FANCL: variants seen among roughly 807,000 people sequenced by gnomAD.
FANCL encodes the protein E3 ubiquitin-protein ligase FANCL.
Under a neutral mutation model 59.4 loss-of-function variants are expected in FANCL, and 69 were observed. The ratio of observed to expected loss-of-function variants is 1.16; its 90% CI spans 0.96 to 1.42. The LOEUF (loss-of-function observed/expected upper bound fraction) is 1.42. Among genes scored for constraint, FANCL ranks in the 40% most tolerant of loss-of-function variants. The pLI, the probability that FANCL is intolerant of heterozygous loss-of-function variation, is 0.00. For synonymous variants in FANCL, 180 were observed against 147.1 expected (o/e 1.22, Z -1.62); for missense variants, 519 against 447.2 (o/e 1.16, Z -1.45).
At chr2:58,198,404 ATAACT>A (rs557230277) in intron 7 of FANCL, among the ~76,000 whole-genome samples, 185 bp downstream of exon 7, 36 of 152,264 alleles carry the variant, frequency 2.4e-4, no homozygotes, top group African/African-American at 7.0e-4. Flanking sequence ...TAATCTAGAG[ATAACT>A]TAAAGTATAC....
At chr2:58,192,576 ATCT>A (rs1052783836) in intron 7 of FANCL, among the ~76,000 whole-genome samples, 7 of 152,028 alleles carry the variant, frequency 4.6e-5, no homozygotes, top group African/African-American at 7.2e-5. Context: ...GGATACAAAT[ATCT>A]TCATAATAAT....
intron 7 of FANCL, among the ~76,000 whole-genome samples, chr2:58,178,478 A>T (rs538817216): frequency 6.6e-6 from 1 of 152,182 alleles, no homozygotes; most frequent in African/African-American, 2.4e-5. Context: ...CAAAAACAAA[A>T]ACCACATGAT....
intron 7 of FANCL, among the ~76,000 whole-genome samples, chr2:58,172,347 C>T (rs1686734885): frequency 6.6e-6 from 1 of 152,208 alleles, no homozygotes; most frequent in African/African-American, 2.4e-5. Context: ...CTGGGAGGCA[C>T]CGCCCAGTAG....
At chr2:58,212,622 T>C (rs1446568996) in intron 5 of FANCL, among the ~76,000 whole-genome samples, 2 of 152,210 alleles carry the variant, frequency 1.3e-5, no homozygotes, top group African/African-American at 4.8e-5. Context: ...CAGAAAATCT[T>C]GTTAAACACA....
intron 7 of FANCL, among the ~76,000 whole-genome samples, chr2:58,196,560 T>C (rs1427479512): frequency 6.6e-6 from 1 of 151,908 alleles, no homozygotes; most frequent in Non-Finnish European, 1.5e-5. Flanking sequence ...TAATATAATA[T>C]TTATTCCATG....
rs779587713 is a variant in FANCL at position 58,162,864 on chromosome 2, AC to A, written c.903+1del. 6 of 1,609,522 alleles carry A rather than the reference AC, an allele frequency of 3.7e-6. No individual in the cohort carries two copies. The highest frequency in any genetic ancestry group is 1.7e-5 in the Admixed American group (1 of 59,874). ...GAATATCAAAACACTGATAAAACTT[AC>A]AGATTTTTCCAGGATAGCACGAGCT... On this transcript the variant is annotated splice_donor_variant, in intron 11 of 13. Coordinates refer to ENST00000233741, the MANE Select transcript of FANCL (RefSeq NM_018062.4). LOFTEE classifies it high-confidence loss of function.
At chr2:58,194,265 A>C (rs1689218373) in intron 7 of FANCL, 1 of 471,102 alleles carries the variant, frequency 2.1e-6, no homozygotes. Context: ...TTTTTGCTTG[A>C]TCAGTGACCT....
chr2:58,230,710 G>A (rs1262736312), intron 2 of FANCL, among the ~76,000 whole-genome samples: 5 of 152,018 alleles, frequency 3.3e-5, no homozygotes, highest in African/African-American at 1.2e-4. Context: ...TCTCTTAGTG[G>A]CAGAGTAGTT....
In FANCL at chr2:58,165,756, G is replaced by A. The variant is rs773012159; in HGVS notation, c.659C>T (p.Pro220Leu). The A allele has an allele frequency of 6.8e-6, 11 of 1,613,970 alleles. No homozygotes were observed. The highest frequency in any genetic ancestry group is 1.7e-5 in the Admixed American group (1 of 60,006). ...KTWVLEPEKP[P>L]RSATARRIAL... ...AATTCTGCGTGCTGTTGCACTCCGTGGAGGTTTTTCTGGCTCAAGTACCCA... is the reference window on the plus strand; with the variant it reads ...AATTCTGCGTGCTGTTGCACTCCGTAGAGGTTTTTCTGGCTCAAGTACCCA... The change falls in exon 8 of 14, where the codon CCA (proline) becomes CTA (leucine). Residue 220 changes from proline to leucine, a missense_variant. Physicochemically the swap from Pro to Leu is moderately conservative, Grantham distance 98. Coordinates refer to ENST00000233741, the MANE Select transcript of FANCL (RefSeq NM_018062.4).
chr2:58,240,547 A>T (rs1407617528), intron 1 of FANCL, among the ~76,000 whole-genome samples: 4 of 152,236 alleles, frequency 2.6e-5, no homozygotes. Flanking sequence ...TGATTCTTTT[A>T]AAAATTTCTG....
rs145433774 is a variant in FANCL, at chr2:58,179,243, C to T, written c.541-13369G>A. Among the ~76,000 whole-genome samples, 956 of 152,268 alleles carry T rather than the reference C, an allele frequency of 6.3e-3. 10 individuals are homozygous for T. Among genetic ancestry groups the T allele is most frequent in the African/African-American group, 0.022 (920 of 41,552 alleles). ...ATTAGAAAAAAACTACTTTACATTT[C>T]ATATGGAACCAATAAAGAGCCCATA... On this transcript the variant is annotated intron_variant, in intron 7 of 13. Transcript: ENST00000233741.
At chr2:58,179,008 A>G (rs1687652356) in intron 7 of FANCL, among the ~76,000 whole-genome samples, 1 of 152,222 alleles carries the variant, frequency 6.6e-6, no homozygotes, top group Non-Finnish European at 1.5e-5. Flanking sequence ...GAAAATACCT[A>G]GGAATCCAAC....
intron 1 of FANCL, 54 bp from the exon 2 acceptor site, chr2:58,232,166 G>A (rs1192684337): frequency 1.1e-5 from 15 of 1,406,518 alleles, no homozygotes; most frequent in Non-Finnish European, 1.4e-5. Context: ...ACTTAATGCT[G>A]AGAAGTTAAA....
intron 7 of FANCL, among the ~76,000 whole-genome samples, chr2:58,186,456 G>A (rs923835893): frequency 1.2e-4 from 19 of 152,250 alleles, no homozygotes; most frequent in African/African-American, 4.6e-4. Flanking sequence ...CTCAGGGAAC[G>A]AAGAGTGGGG....
At chr2:58,235,389 A>T (rs186218076) in intron 1 of FANCL, among the ~76,000 whole-genome samples, 28 of 152,274 alleles carry the variant, frequency 1.8e-4, no homozygotes, top group African/African-American at 6.7e-4. Context: ...AAGAGCCATT[A>T]AATAGAGTGC....
chr2:58,195,659 A>G (rs1573661231), intron 7 of FANCL, among the ~76,000 whole-genome samples: 1 of 152,274 alleles, frequency 6.6e-6, no homozygotes, highest in Non-Finnish European at 1.5e-5. Context: ...CATATAACTA[A>G]CAAAAAATTA....
chr2:58,194,219 G>A (rs781539412), intron 7 of FANCL: 52 of 470,836 alleles, frequency 1.1e-4, no homozygotes, highest in Admixed American at 1.9e-4. Context: ...GCACTTAGTG[G>A]CACACTTACA....
At chr2:58,225,863 TA>T (rs1692948364) in intron 4 of FANCL, among the ~76,000 whole-genome samples, 1 of 152,078 alleles carries the variant, frequency 6.6e-6, no homozygotes, top group South Asian at 2.1e-4. Flanking sequence ...ATGTTATACA[TA>T]AGTACCTTAT....
chr2:58,165,634 A>T, intron 8 of FANCL, 90 bp downstream of exon 8: 1 of 1,509,266 alleles, frequency 6.6e-7, no homozygotes, highest in South Asian at 1.2e-5. Flanking sequence ...TCATATAAAG[A>T]AGTCTGAGTC....
Sources: allele counts gnomAD v4.1 joint callset (sites outside exome capture counted in the v4.1 genomes callset), GRCh38; gene constraint gnomAD v4.1.1; transcripts MANE v1.5; gene names NCBI Gene and HGNC (gene_info 2026-07-23, HGNC 2026-07-21).